RBX1: variants seen among roughly 807,000 people sequenced by gnomAD.
The protein encoded by RBX1 is ring-box 1.
For missense variants in RBX1, 46 were observed against 141.4 expected, an observed-to-expected ratio of 0.33 and a Z score of 3.42; for synonymous variants, 48 against 47.9, an observed-to-expected ratio of 1.00 and a Z score of -0.01.
At chr22:40,955,136 G>A (rs1292881725) in intron 2 of RBX1, among the ~76,000 whole-genome samples, 3 of 152,082 alleles carry the variant, frequency 2.0e-5, no homozygotes, top group Non-Finnish European at 4.4e-5. Context: ...CCCTTAAATA[G>A]CCTAGTCTTT....
intron 4 of RBX1, among the ~76,000 whole-genome samples, chr22:40,969,174 G>C (rs566230288): frequency 1.3e-5 from 2 of 151,944 alleles, no homozygotes; most frequent in Non-Finnish European, 2.9e-5. Context: ...TCAGCTGGGC[G>C]TGGGGGCACA....
In RBX1 at chr22:40,972,794, C is replaced by T. The variant is rs2058372650; in HGVS notation, c.*306C>T. On this transcript the variant is annotated 3_prime_UTR_variant, in exon 5 of 5. Transcript: ENST00000216225. ...GGCCAGAGCAGGGTTGTCCTCTGAGCGCATCACTTAGTGACGAGGAATCCA... is the reference window on the plus strand; with the variant it reads ...GGCCAGAGCAGGGTTGTCCTCTGAGTGCATCACTTAGTGACGAGGAATCCA... The T allele has an allele frequency of 7.2e-6, 2 of 276,386 alleles. No homozygotes were observed. The highest frequency in any genetic ancestry group is 1.4e-5 in the Non-Finnish European group (2 of 142,084). 17.1% of individuals were successfully genotyped at this position (276,386 alleles called of 1,614,324 possible).
chr22:40,965,026 C>A (rs190734838), intron 3 of RBX1, among the ~76,000 whole-genome samples: 1 of 152,184 alleles, frequency 6.6e-6, no homozygotes, highest in Non-Finnish European at 1.5e-5. Context: ...CTAAATAGGC[C>A]GGACGCGGTG....
At chr22:40,957,112 C>T (rs1003935134) in intron 2 of RBX1, among the ~76,000 whole-genome samples, 2 of 152,048 alleles carry the variant, frequency 1.3e-5, no homozygotes, top group African/African-American at 4.8e-5. Flanking sequence ...CTTTGGGAGG[C>T]TGAGGCGGGG....
intron 1 of RBX1, among the ~76,000 whole-genome samples, chr22:40,953,206 G>A: frequency 6.6e-6 from 1 of 152,052 alleles, no homozygotes; most frequent in East Asian, 1.9e-4. Flanking sequence ...GGCCAGGCTG[G>A]TCTTGAACTC....
intron 2 of RBX1, among the ~76,000 whole-genome samples, chr22:40,958,417 G>A (rs2058331361): frequency 6.6e-6 from 1 of 152,054 alleles, no homozygotes; most frequent in Admixed American, 6.6e-5. Flanking sequence ...TAAGAATCTA[G>A]ATTTAGCAAC....
At position 40,961,081 on chromosome 22, in the gene RBX1, C is replaced by CTT. The variant is rs61092253; in HGVS notation, c.158-2944_158-2943dup. Among the ~76,000 whole-genome samples, 266 of 107,630 alleles carry CTT rather than the reference C, an allele frequency of 2.5e-3. 4 individuals are homozygous for CTT. Among genetic ancestry groups the CTT allele is most frequent in the African/African-American group, 5.3e-3 (145 of 27,114 alleles). 70.6% of individuals were successfully genotyped at this position (107,630 alleles called of 152,430 possible). On this transcript the variant is annotated intron_variant, in intron 2 of 4. Coordinates refer to ENST00000216225, the MANE Select transcript of RBX1 (RefSeq NM_014248.4). ...GCCCGGCCGAGCCACCGTGCCTGGC[C>CTT]TTTTTTTTTTTTTTTTTTTTTTTGA...
At chr22:40,953,894 C>G (rs2058318121) in intron 2 of RBX1, among the ~76,000 whole-genome samples, 1 of 152,176 alleles carries the variant, frequency 6.6e-6, no homozygotes, top group Non-Finnish European at 1.5e-5. Flanking sequence ...ACGACAGGCA[C>G]TGTTGATTTT....
chr22:40,957,471 C>T (rs1216410156), intron 2 of RBX1, among the ~76,000 whole-genome samples: 1 of 151,454 alleles, frequency 6.6e-6, no homozygotes, highest in Non-Finnish European at 1.5e-5. Flanking sequence ...CATGGCGAAA[C>T]CCTGTCTCTA....
intron 2 of RBX1, among the ~76,000 whole-genome samples, chr22:40,960,597 T>C (rs2058337187): frequency 1.3e-5 from 2 of 152,196 alleles, no homozygotes; most frequent in African/African-American, 4.8e-5. Flanking sequence ...ACTTTAATAA[T>C]TGTGGCTCTT....
Position 40,972,767 on chromosome 22 carries a change from G to T in RBX1, c.*279G>T. On this transcript the variant is annotated 3_prime_UTR_variant, in exon 5 of 5. Coordinates refer to ENST00000216225, the MANE Select transcript of RBX1 (RefSeq NM_014248.4). ...TTTGAAAGTGAAATGTTTGTTCATC[G>T]GGGCCAGAGCAGGGTTGTCCTCTGA... The T allele has an allele frequency of 2.5e-6, 1 of 394,866 alleles. No homozygotes were observed. 24.5% of individuals were successfully genotyped at this position (394,866 alleles called of 1,614,324 possible). A position where few individuals can be genotyped will look rare whatever the true frequency, so the allele number is the denominator to read the frequency against.
intron 3 of RBX1, chr22:40,964,386 T>C (rs2058348516): frequency 1.2e-5 from 4 of 333,658 alleles, no homozygotes; most frequent in African/African-American, 2.1e-5. Context: ...TCTATGGGAA[T>C]TGCCTTCAAA....
At chr22:40,966,429 G>C (rs544815351) in intron 3 of RBX1, 7 of 152,244 alleles carry the variant, frequency 4.6e-5, no homozygotes, top group Admixed American at 2.6e-4. Flanking sequence ...AGAAGCTGTC[G>C]AATACCCTTC....
At chr22:40,957,418 G>T (rs1662632615) in intron 2 of RBX1, among the ~76,000 whole-genome samples, 6 of 151,964 alleles carry the variant, frequency 3.9e-5, no homozygotes. Flanking sequence ...GGCTGAGGCG[G>T]GCAGATCGCT....
At chr22:40,952,983 C>CTTTTTTTTTTTTTTT (rs34618218) in intron 1 of RBX1, among the ~76,000 whole-genome samples, 1 of 86,900 alleles carries the variant, frequency 1.2e-5, no homozygotes, top group Non-Finnish European at 2.2e-5. Flanking sequence ...AGTTTGTGCC[C>CTTTTTTTTTTTTTTT]TTTTTTTTTT....
At chr22:40,969,876 G>C (rs1260803793) in intron 4 of RBX1, among the ~76,000 whole-genome samples, 2 of 150,098 alleles carry the variant, frequency 1.3e-5, no homozygotes, top group Admixed American at 6.7e-5. Context: ...ATGACAGAGT[G>C]AGACCCTATC....
At chr22:40,956,812 G>C (rs1482210472) in intron 2 of RBX1, among the ~76,000 whole-genome samples, 1 of 151,546 alleles carries the variant, frequency 6.6e-6, no homozygotes, top group East Asian at 2.0e-4. Flanking sequence ...AAGGCGGGCA[G>C]ATCACAAGGT....
At chr22:40,972,062 CT>C (rs1210206332) in intron 4 of RBX1, among the ~76,000 whole-genome samples, 1 of 152,174 alleles carries the variant, frequency 6.6e-6, no homozygotes, top group Non-Finnish European at 1.5e-5. Flanking sequence ...TGCCTGAGTA[CT>C]GGAGTTCAGG....
intron 2 of RBX1, among the ~76,000 whole-genome samples, chr22:40,962,275 T>A (rs921233745): frequency 1.3e-5 from 2 of 151,922 alleles, no homozygotes; most frequent in African/African-American, 2.4e-5. Context: ...CTAACTTTTG[T>A]ATTTTTAGTA....
Sources: gnomAD v4.1 joint callset for allele counts (sites outside exome capture counted in the v4.1 genomes callset) on GRCh38, gnomAD v4.1.1 for gene constraint, MANE v1.5 for transcripts, NCBI Gene and HGNC (gene_info 2026-07-23, HGNC 2026-07-21) for gene names.